SAMHD1: variants seen among roughly 807,000 people sequenced by gnomAD.
The protein encoded by SAMHD1 is deoxynucleoside triphosphate triphosphohydrolase SAMHD1.
In SAMHD1, 54 loss-of-function variants were observed where a neutral mutation model predicts 79.6. That is an observed-to-expected ratio of 0.68 (90% CI 0.55 to 0.85). The LOEUF is 0.85. SAMHD1 is among the 40% of genes least tolerant of loss of function. The pLI is 0.00. For missense variants in SAMHD1, 663 were observed against 782.7 expected (o/e 0.85, Z 1.82); for synonymous variants, 260 against 264.1 (o/e 0.98, Z 0.15).
rs2063400283 is a variant in SAMHD1 at position 36,905,590 on chromosome 20, A to C, written c.1271-87T>G. 5 of 1,182,076 alleles carry C rather than the reference A, an allele frequency of 4.2e-6. No homozygotes were observed. In the South Asian group the frequency reaches 5.1e-5, roughly 12 times the overall value. 73.2% of individuals were successfully genotyped at this position (1,182,076 alleles called of 1,614,324 possible). A position where few individuals can be genotyped will look rare whatever the true frequency, so the allele number is the denominator to read the frequency against. On this transcript the variant is annotated intron_variant, in intron 11 of 15. Coordinates refer to ENST00000646673, the MANE Select transcript of SAMHD1 (RefSeq NM_015474.4). ...AGTGCTATTCTATTGAAATGATCTTAACAGGCAGTTCGCAAATGTAGGTAC... is the reference window on the plus strand; with the variant it reads ...AGTGCTATTCTATTGAAATGATCTTCACAGGCAGTTCGCAAATGTAGGTAC...
chr20:36,913,911 G>A (rs1015365297), intron 9 of SAMHD1, among the ~76,000 whole-genome samples: 7 of 151,732 alleles, frequency 4.6e-5, no homozygotes, highest in South Asian at 2.1e-4. Context: ...ATGCTACCAC[G>A]CCTGGCTAAT....
At chr20:36,896,333 C>T (rs1215545536) in intron 15 of SAMHD1, among the ~76,000 whole-genome samples, 1 of 152,076 alleles carries the variant, frequency 6.6e-6, no homozygotes, top group Non-Finnish European at 1.5e-5. Context: ...TCCCCACAGA[C>T]ACCAAGGGAC....
At chr20:36,897,521 A>G in intron 15 of SAMHD1, 1 of 437,316 alleles carries the variant, frequency 2.3e-6, no homozygotes, top group African/African-American at 2.0e-5. Flanking sequence ...AGATGGAGAC[A>G]CTATGAATAA....
At chr20:36,895,601 G>A (rs2148354143) in intron 15 of SAMHD1, among the ~76,000 whole-genome samples, 1 of 152,086 alleles carries the variant, frequency 6.6e-6, no homozygotes, top group Admixed American at 6.6e-5. Context: ...CCTAACACAG[G>A]GCATGGCAAA....
At chr20:36,898,302 A>T in intron 14 of SAMHD1, 138 bp downstream of exon 14, 1 of 736,226 alleles carries the variant, frequency 1.4e-6, no homozygotes, top group Non-Finnish European at 2.4e-6. Flanking sequence ...CACTGGGATT[A>T]CAGGTATGAG....
intron 3 of SAMHD1, chr20:36,940,263 A>G (rs1600389221): frequency 6.6e-6 from 1 of 151,914 alleles, no homozygotes; most frequent in Non-Finnish European, 1.5e-5. Flanking sequence ...AATAAAGTTT[A>G]AAAATATGTA....
intron 3 of SAMHD1, among the ~76,000 whole-genome samples, chr20:36,937,028 CT>C (rs1208383053): frequency 6.6e-6 from 1 of 151,626 alleles, no homozygotes; most frequent in African/African-American, 2.4e-5. Flanking sequence ...GTTATCCCAG[CT>C]ACTCAGGAGG....
intron 3 of SAMHD1, among the ~76,000 whole-genome samples, chr20:36,937,140 CAAAA>C (rs11286688): frequency 8.5e-5 from 10 of 117,634 alleles, no homozygotes; most frequent in Admixed American, 1.8e-4. Flanking sequence ...GACTCTATCT[CAAAA>C]AAAAAAAAAA....
intron 4 of SAMHD1, among the ~76,000 whole-genome samples, chr20:36,932,532 T>C (rs1277103848): frequency 7.1e-6 from 1 of 141,194 alleles, no homozygotes; most frequent in East Asian, 2.5e-4. Context: ...CTCAGCTCAC[T>C]GCAACCTCAG....
chr20:36,901,262 T>C (rs1990301317), intron 13 of SAMHD1, among the ~76,000 whole-genome samples: 1 of 151,646 alleles, frequency 6.6e-6, no homozygotes, highest in African/African-American at 2.4e-5. Flanking sequence ...CCTCCTGGGC[T>C]CAAGCGATCT....
intron 6 of SAMHD1, among the ~76,000 whole-genome samples, chr20:36,920,320 T>G (rs979712992): frequency 6.6e-6 from 1 of 152,046 alleles, no homozygotes; most frequent in Non-Finnish European, 1.5e-5. Context: ...CTTGATTTGT[T>G]GACCAGGTTG....
rs192253292 is a variant in SAMHD1 at position 36,896,453 on chromosome 20, C to T, written c.1746+1369G>A. 2.8e-4 allele frequency among the ~76,000 whole-genome samples: 43 copies of T among 152,294 alleles called. 1 individual carries two copies. In the East Asian group the frequency reaches 8.3e-3, roughly 29 times the overall value. On this transcript the variant is annotated intron_variant, in intron 15 of 15. Coordinates refer to ENST00000646673, the MANE Select transcript of SAMHD1 (RefSeq NM_015474.4). ...AATATGCTCAATGATTCCCTCCCCACTGTACAGAGAAAAAAATCTCTTAGC... is the reference window on the plus strand; with the variant it reads ...AATATGCTCAATGATTCCCTCCCCATTGTACAGAGAAAAAAATCTCTTAGC...
intron 4 of SAMHD1, chr20:36,934,544 A>G (rs890837500): frequency 8.2e-6 from 1 of 121,966 alleles, no homozygotes; most frequent in Admixed American, 8.6e-5. Context: ...AAAAAAAAAA[A>G]GCCTCAATTT....
intron 5 of SAMHD1, among the ~76,000 whole-genome samples, chr20:36,929,251 G>T (rs1391510010): frequency 6.6e-6 from 1 of 151,882 alleles, no homozygotes; most frequent in Non-Finnish European, 1.5e-5. Flanking sequence ...ATCATCTAGG[G>T]GCTGGTATTG....
In SAMHD1 at chr20:36,904,223, C is replaced by T. The variant is rs768615313; in HGVS notation, c.1437G>A (p.Glu479=). 6.2e-7 allele frequency: 1 copy of T among 1,613,540 alleles called. No individual in the cohort carries two copies. The highest frequency in any genetic ancestry group is 1.1e-5 in the South Asian group (1 of 91,066). Residue 479 remains glutamate, a synonymous_variant, in exon 13 of 16, where the codon GAG becomes GAA. Transcript: ENST00000646673. The part of the protein sequence containing the change: ...KREDYESLPK[E]VASAKPKVLL... ...ATACTTTGGGTTTAGCACTGGCAACCTCTTTTGGAAGAGATTCATAGTCCT... is the reference window on the plus strand; with the variant it reads ...ATACTTTGGGTTTAGCACTGGCAACTTCTTTTGGAAGAGATTCATAGTCCT...
rs187928679 is a variant in SAMHD1, at chr20:36,926,454, T to C, written c.696+728A>G. ...TGAGAATTGACTAGGAAAAAGCACATGGGAATTTTTCAGGAAGATGAAAAT... is the reference window on the plus strand; with the variant it reads ...TGAGAATTGACTAGGAAAAAGCACACGGGAATTTTTCAGGAAGATGAAAAT... On this transcript the variant is annotated intron_variant, in intron 6 of 15. Coordinates refer to ENST00000646673, the MANE Select transcript of SAMHD1 (RefSeq NM_015474.4). Among the ~76,000 whole-genome samples, 275 of 152,214 alleles carry C rather than the reference T, an allele frequency of 1.8e-3. 1 individual carries two copies. The highest frequency in any genetic ancestry group is 6.2e-3 in the African/African-American group (256 of 41,540).
At position 36,939,799 on chromosome 20, in the gene SAMHD1, T is replaced by C. The variant is rs191524325; in HGVS notation, c.348+1240A>G. Reference sequence around the variant, plus strand: ...CTTCTCCCAGGTCTGAAACTAAGTTTTCTTAACCTAGGAATGTCAAAAGAG... The same window carrying C: ...CTTCTCCCAGGTCTGAAACTAAGTTCTCTTAACCTAGGAATGTCAAAAGAG... On this transcript the variant is annotated intron_variant, in intron 3 of 15. Coordinates refer to ENST00000646673, the MANE Select transcript of SAMHD1 (RefSeq NM_015474.4). 1.3e-4 allele frequency among the ~76,000 whole-genome samples: 20 copies of C among 152,310 alleles called. No homozygotes were observed. In the East Asian group the frequency reaches 3.7e-3, roughly 28 times the overall value.
intron 2 of SAMHD1, among the ~76,000 whole-genome samples, chr20:36,943,414 T>C (rs2063661386): frequency 6.6e-6 from 1 of 152,216 alleles, no homozygotes; most frequent in Admixed American, 6.6e-5. Flanking sequence ...AATTTAAACG[T>C]GAAGCTAGTT....
chr20:36,906,926 G>C (rs1042136968), intron 11 of SAMHD1, among the ~76,000 whole-genome samples: 2 of 151,626 alleles, frequency 1.3e-5, no homozygotes, highest in Non-Finnish European at 2.9e-5. Flanking sequence ...TGAGTAGCTG[G>C]AACTACAGGT....
Sources: gnomAD v4.1 joint callset for allele counts (sites outside exome capture counted in the v4.1 genomes callset) on GRCh38, gnomAD v4.1.1 for gene constraint, MANE v1.5 for transcripts, NCBI Gene and HGNC (gene_info 2026-07-23, HGNC 2026-07-21) for gene names.